The following CLEC16A variants were observed in gnomAD, a reference collection of about 807,000 sequenced individuals.
CLEC16A encodes the protein protein CLEC16A.
In CLEC16A, 51 loss-of-function variants were observed where a neutral mutation model predicts 109.5. That is an observed-to-expected ratio of 0.47 (90% CI 0.37 to 0.59). The LOEUF is 0.59. Among genes scored for constraint, CLEC16A ranks in the 20% least tolerant of loss-of-function variants. The probability of loss-of-function intolerance (pLI) is 0.00; values close to 1 mark genes in which losing one functional copy is unlikely to be tolerated. For missense variants in CLEC16A, 1,339 were observed against 1,394.0 expected (o/e 0.96, Z 0.63); for synonymous variants, 673 against 564.2 (o/e 1.19, Z -2.73).
chr16:11,074,542 C>T (rs1397047517), intron 19 of CLEC16A, among the ~76,000 whole-genome samples: 1 of 152,172 alleles, frequency 6.6e-6, no homozygotes, highest in Non-Finnish European at 1.5e-5. Context: ...TTGATTGGTA[C>T]CTGTCTGCTG....
intron 13 of CLEC16A, chr16:11,027,158 AG>A (rs759727554): frequency 3.7e-5 from 52 of 1,424,196 alleles, no homozygotes; most frequent in Non-Finnish European, 4.2e-5. Context: ...AGAAAGGAAA[AG>A]GGCTCAGGTT....
chr16:10,955,777 C>T (rs1422643330), intron 1 of CLEC16A, among the ~76,000 whole-genome samples: 2 of 152,136 alleles, frequency 1.3e-5, no homozygotes, highest in South Asian at 2.1e-4. Flanking sequence ...ATATTGCCAA[C>T]GATGTCTTGT....
chr16:11,117,222 C>G (rs548427520), intron 19 of CLEC16A, among the ~76,000 whole-genome samples: 79 of 150,534 alleles, frequency 5.2e-4, no homozygotes, highest in Middle Eastern at 6.8e-3. Flanking sequence ...GTACTATGCT[C>G]AAAAAAAGAA....
intron 11 of CLEC16A, among the ~76,000 whole-genome samples, chr16:11,013,524 G>A (rs939458096): frequency 3.3e-5 from 5 of 152,148 alleles, no homozygotes; most frequent in Non-Finnish European, 2.9e-5. Flanking sequence ...CAGAACTTTG[G>A]GAGGCCAAGG....
intron 22 of CLEC16A, among the ~76,000 whole-genome samples, chr16:11,141,757 C>T (rs2053840877): frequency 2.0e-5 from 3 of 152,122 alleles, no homozygotes; most frequent in East Asian, 1.9e-4. Context: ...TCAGTGATGG[C>T]GGTGGGGACA....
At chr16:11,110,996 T>A (rs1009966856) in intron 19 of CLEC16A, among the ~76,000 whole-genome samples, 1 of 152,150 alleles carries the variant, frequency 6.6e-6, no homozygotes, top group African/African-American at 2.4e-5. Flanking sequence ...TGTGCTAGTT[T>A]CCCTTCATTC....
chr16:10,962,928 G>A (rs1453678135), intron 3 of CLEC16A, among the ~76,000 whole-genome samples: 1 of 152,088 alleles, frequency 6.6e-6, no homozygotes, highest in Non-Finnish European at 1.5e-5. Context: ...GTGTGGTGGT[G>A]TGCACATGTA....
At chr16:11,051,372 C>G in intron 17 of CLEC16A, 141 bp from the exon 18 acceptor site, 1 of 882,276 alleles carries the variant, frequency 1.1e-6, no homozygotes, top group South Asian at 1.8e-5. Flanking sequence ...TGCTTTACTT[C>G]AATCTAAATC....
intron 11 of CLEC16A, among the ~76,000 whole-genome samples, chr16:11,008,386 C>T (rs2045171351): frequency 6.6e-6 from 1 of 152,058 alleles, no homozygotes; most frequent in Non-Finnish European, 1.5e-5. Flanking sequence ...TTCGAATGGA[C>T]ATCAGCCCGG....
intron 11 of CLEC16A, among the ~76,000 whole-genome samples, chr16:11,007,873 C>G (rs1173432627): frequency 1.3e-5 from 2 of 152,080 alleles, no homozygotes; most frequent in African/African-American, 4.8e-5. Context: ...CCAGGCGCTG[C>G]AGTAGAGAGA....
intron 19 of CLEC16A, among the ~76,000 whole-genome samples, chr16:11,068,034 AG>A (rs570541119): frequency 7.2e-5 from 11 of 152,166 alleles, no homozygotes; most frequent in Non-Finnish European, 1.6e-4. Context: ...GGCTGTTTCC[AG>A]GCCAGGACTT....
intron 16 of CLEC16A, among the ~76,000 whole-genome samples, chr16:11,046,433 C>A (rs2047636957): frequency 6.6e-6 from 1 of 151,956 alleles, no homozygotes; most frequent in African/African-American, 2.4e-5. Context: ...CTGAAAAAAC[C>A]TAAAAAGGAT....
chr16:11,071,053 A>G (rs2049044550), intron 19 of CLEC16A: 1 of 152,264 alleles, frequency 6.6e-6, no homozygotes, highest in African/African-American at 2.4e-5. Flanking sequence ...AAGAGCTTTT[A>G]GGCAGAGTGG....
intron 22 of CLEC16A, among the ~76,000 whole-genome samples, chr16:11,164,074 CG>C (rs2054819165): frequency 6.6e-6 from 1 of 152,104 alleles, no homozygotes; most frequent in African/African-American, 2.4e-5. Context: ...TTCATCTGAG[CG>C]GGCCCCCGAC....
At chr16:11,087,851 CA>C (rs1461824061) in intron 19 of CLEC16A, among the ~76,000 whole-genome samples, 3 of 152,210 alleles carry the variant, frequency 2.0e-5, no homozygotes, top group Non-Finnish European at 4.4e-5. Context: ...TGCTTCCACA[CA>C]AGGTGGCTGG....
At chr16:10,974,719 T>C (rs2042957072) in intron 7 of CLEC16A, among the ~76,000 whole-genome samples, 1 of 152,120 alleles carries the variant, frequency 6.6e-6, no homozygotes, top group African/African-American at 2.4e-5. Context: ...TTGGAGCAAT[T>C]GGGAAAGCTA....
intron 11 of CLEC16A, among the ~76,000 whole-genome samples, chr16:11,019,165 A>C (rs888598740): frequency 6.6e-6 from 1 of 152,110 alleles, no homozygotes; most frequent in East Asian, 1.9e-4. Flanking sequence ...GAAGGTGGGG[A>C]AAAAGATGTG....
Position 11,178,143 on chromosome 16 carries a change from C to T in CLEC16A, c.2807-192C>T, listed in dbSNP as rs1315852231. Among the ~76,000 whole-genome samples, 6 of 152,162 alleles carry T rather than the reference C, an allele frequency of 3.9e-5. No individual in the cohort carries two copies. Among genetic ancestry groups the T allele is most frequent in the Admixed American group, 3.9e-4 (6 of 15,280 alleles). ...TAGGCCCTGCTGTATTTTCCCCAGGCCTAAGTCAGACTGGATTTTGCAGGT... is the reference window on the plus strand; with the variant it reads ...TAGGCCCTGCTGTATTTTCCCCAGGTCTAAGTCAGACTGGATTTTGCAGGT... On this transcript the variant is annotated intron_variant, in intron 23 of 23. Transcript: ENST00000409790. The surrounding 1 kb of genome is among the most constrained non-coding windows in gnomAD (Gnocchi z 6.5).
intron 10 of CLEC16A, among the ~76,000 whole-genome samples, chr16:10,997,650 G>A (rs1000779632): frequency 6.6e-6 from 1 of 152,204 alleles, no homozygotes; most frequent in African/African-American, 2.4e-5. Context: ...TCTAAATAGT[G>A]CTGGTAATAA....
Sources: gnomAD v4.1 joint callset for allele counts (sites outside exome capture counted in the v4.1 genomes callset) on GRCh38, gnomAD v4.1.1 for gene constraint, Gnocchi (gnomAD v3.1) non-coding constraint, MANE v1.5 for transcripts, NCBI Gene and HGNC (gene_info 2026-07-23, HGNC 2026-07-21) for gene names.